WWP1: variants seen among roughly 807,000 people sequenced by gnomAD.
The protein encoded by WWP1 is NEDD4-like E3 ubiquitin-protein ligase WWP1.
In WWP1, 49 loss-of-function variants were observed where a neutral mutation model predicts 130.6. That is an observed-to-expected ratio of 0.38 (90% confidence interval 0.30 to 0.48). WWP1 has a LOEUF of 0.48. Ranked by LOEUF, WWP1 falls within the 20% of genes least tolerant of loss-of-function variation. WWP1 has a pLI of 0.99. For missense variants in WWP1, 809 were observed against 1,100.6 expected, an observed-to-expected ratio of 0.74 and a Z score of 3.75; for synonymous variants, 332 against 367.8, an observed-to-expected ratio of 0.90 and a Z score of 1.11.
chr8:86,441,799 A>G (rs1810605721), intron 17 of WWP1, among the ~76,000 whole-genome samples: 1 of 152,220 alleles, frequency 6.6e-6, no homozygotes, highest in South Asian at 2.1e-4. Flanking sequence ...AGCCCCATCT[A>G]GAGAATAGAG....
At chr8:86,370,141 T>G (rs1354855082) in intron 2 of WWP1, among the ~76,000 whole-genome samples, 1 of 152,218 alleles carries the variant, frequency 6.6e-6, no homozygotes, top group Non-Finnish European at 1.5e-5. Flanking sequence ...CAAATATGAT[T>G]GTTTGATTTG....
At chr8:86,381,433 T>G (rs1824979937) in intron 4 of WWP1, 72 bp from the exon 5 acceptor site, 2 of 1,504,128 alleles carry the variant, frequency 1.3e-6, no homozygotes, top group Non-Finnish European at 1.8e-6. Flanking sequence ...AATGCTTTAA[T>G]AGGAATTGTT....
chr8:86,458,129 C>A, intron 22 of WWP1, 104 bp downstream of exon 22: 2 of 901,638 alleles, frequency 2.2e-6, no homozygotes, highest in Non-Finnish European at 3.3e-6. Context: ...TGCTTTTGGA[C>A]ACAGTTTATA....
chr8:86,418,015 T>C (rs972494919), intron 9 of WWP1, among the ~76,000 whole-genome samples: 1 of 152,172 alleles, frequency 6.6e-6, no homozygotes, highest in African/African-American at 2.4e-5. Flanking sequence ...TAAAAGTGGA[T>C]GAAGAGGCTA....
chr8:86,423,467 A>G (rs565255173), intron 9 of WWP1, among the ~76,000 whole-genome samples: 26 of 152,282 alleles, frequency 1.7e-4, no homozygotes, highest in Admixed American at 1.7e-3. Flanking sequence ...TTAACAAAGC[A>G]CATCTTGCAC....
chr8:86,353,881 A>G (rs1274158910), intron 1 of WWP1, among the ~76,000 whole-genome samples: 1 of 152,218 alleles, frequency 6.6e-6, no homozygotes, highest in African/African-American at 2.4e-5. Flanking sequence ...GCCCTGTGAA[A>G]TATTGTGTCG....
intron 9 of WWP1, among the ~76,000 whole-genome samples, chr8:86,414,666 T>C (rs536467544): frequency 6.6e-6 from 1 of 152,340 alleles, no homozygotes; most frequent in East Asian, 1.9e-4. Context: ...GCCTCAATCC[T>C]GTTGATTGTA....
rs192966202 is a variant in WWP1 at position 86,432,997 on chromosome 8, C to T, written c.1601+1254C>T. The stretch of plus-strand genomic sequence containing the variant: ...GTTCATAGTTTCTCCTTTAAACCAA[C>T]TCCAAGGAAGTTCCCCTGACACTGA... On this transcript the variant is annotated intron_variant, in intron 14 of 24. Coordinates refer to ENST00000517970, the MANE Select transcript of WWP1 (RefSeq NM_007013.4). 1.2e-4 allele frequency among the ~76,000 whole-genome samples: 18 copies of T among 152,292 alleles called. No homozygotes were observed. In the East Asian group the frequency reaches 3.5e-3, roughly 29 times the overall value.
At chr8:86,356,870 C>A (rs1425252263) in intron 1 of WWP1, among the ~76,000 whole-genome samples, 2 of 152,094 alleles carry the variant, frequency 1.3e-5, no homozygotes, top group Admixed American at 6.5e-5. Context: ...TTGTGGCCTT[C>A]TAGAATATTG....
Position 86,451,573 on chromosome 8 carries a change from AAAGTTG to A in WWP1, c.2274-985_2274-980del, listed in dbSNP as rs376231165. Among the ~76,000 whole-genome samples the A allele has an allele frequency of 2.3e-3, 348 of 152,312 alleles. 2 individuals carry two copies. The highest frequency in any genetic ancestry group is 7.9e-3 in the African/African-American group (330 of 41,570). ...ACACCTTTGTGGACAAATGGGAAGA[AAAGTTG>A]GAGTTGGAGTTGAGGATACGGGACA... is the stretch of plus-strand genomic sequence containing the variant. On this transcript the variant is annotated intron_variant, in intron 20 of 24. Coordinates refer to ENST00000517970, the MANE Select transcript of WWP1 (RefSeq NM_007013.4).
At chr8:86,439,412 T>G (rs1810478208) in intron 17 of WWP1, among the ~76,000 whole-genome samples, 1 of 151,988 alleles carries the variant, frequency 6.6e-6, no homozygotes, top group Admixed American at 6.6e-5. Context: ...CAGGCTGATC[T>G]TGAACTCCTG....
chr8:86,420,029 A>G (rs911728762), intron 9 of WWP1, among the ~76,000 whole-genome samples: 42 of 152,214 alleles, frequency 2.8e-4, no homozygotes, highest in African/African-American at 9.9e-4. Context: ...TGCATATCCT[A>G]GGTTTCCAAA....
At chr8:86,387,068 A>T (rs543602626) in intron 5 of WWP1, 3 of 152,260 alleles carry the variant, frequency 2.0e-5, no homozygotes, top group East Asian at 1.9e-4. Flanking sequence ...CTTCCTAAAG[A>T]CCCTAATTTT....
intron 1 of WWP1, among the ~76,000 whole-genome samples, chr8:86,353,303 G>C (rs75320756): frequency 6.6e-6 from 1 of 152,276 alleles, no homozygotes; most frequent in African/African-American, 2.4e-5. Context: ...TGACCAGCAG[G>C]ATCCAAAATC....
chr8:86,441,906 G>A (rs944631881), intron 17 of WWP1, among the ~76,000 whole-genome samples: 14 of 151,880 alleles, frequency 9.2e-5, no homozygotes, highest in African/African-American at 2.9e-4. Context: ...TTAGAGATTG[G>A]GTTTATCTTG....
chr8:86,372,357 G>A (rs763788449), intron 2 of WWP1, among the ~76,000 whole-genome samples: 4 of 152,026 alleles, frequency 2.6e-5, no homozygotes, highest in African/African-American at 2.4e-5. Flanking sequence ...ACAGGTTTTC[G>A]CCGTGTTGGC....
At chr8:86,357,930 C>G (rs1823354756) in intron 1 of WWP1, among the ~76,000 whole-genome samples, 1 of 152,130 alleles carries the variant, frequency 6.6e-6, no homozygotes, top group South Asian at 2.1e-4. Context: ...TGTTGGTATC[C>G]TACCACCATT....
intron 4 of WWP1, 21 bp downstream of exon 4, chr8:86,380,885 A>G (rs1159639248): frequency 1.3e-6 from 2 of 1,557,728 alleles, no homozygotes; most frequent in Non-Finnish European, 8.6e-7. Context: ...TGTGTAAAGG[A>G]CGGAAAATCT....
intron 1 of WWP1, among the ~76,000 whole-genome samples, chr8:86,366,519 G>A (rs550683828): frequency 6.6e-6 from 1 of 152,314 alleles, no homozygotes; most frequent in East Asian, 1.9e-4. Context: ...CTGACATGTA[G>A]TTCCAGTGAT....
Sources: allele counts gnomAD v4.1 joint callset (sites outside exome capture counted in the v4.1 genomes callset), GRCh38; gene constraint gnomAD v4.1.1; transcripts MANE v1.5; gene names NCBI Gene and HGNC (gene_info 2026-07-23, HGNC 2026-07-21).